The following LRP1B variants were observed in gnomAD, a reference collection of about 807,000 sequenced individuals.
The protein encoded by LRP1B is low-density lipoprotein receptor-related protein 1B.
A neutral mutation model predicts 556.6 loss-of-function variants in LRP1B; 217 were observed. The observed-to-expected ratio is 0.39, with a 90% confidence interval of 0.35 to 0.44. The LOEUF is 0.44. LRP1B is among the 20% of genes least tolerant of loss of function. LRP1B has a pLI of 1.00. For synonymous variants in LRP1B, 2,047 were observed against 1,865.8 expected (o/e 1.10, Z -2.50); for missense variants, 5,053 against 5,620.8 (o/e 0.90, Z 3.23).
At chr2:141,504,572 G>A (rs1285703085) in intron 2 of LRP1B, among the ~76,000 whole-genome samples, 1 of 152,030 alleles carries the variant, frequency 6.6e-6, no homozygotes. Flanking sequence ...ACTGTAACTT[G>A]TCTGCAGAAA....
chr2:141,396,661 A>G (rs1229272626), intron 3 of LRP1B, among the ~76,000 whole-genome samples: 4 of 152,182 alleles, frequency 2.6e-5, no homozygotes, highest in African/African-American at 7.2e-5. Context: ...TCATAAATAA[A>G]TGCTCTCAGC....
At chr2:140,462,952 G>T (rs572054041) in intron 60 of LRP1B, among the ~76,000 whole-genome samples, 110 of 152,244 alleles carry the variant, frequency 7.2e-4, no homozygotes, top group African/African-American at 2.2e-3. Flanking sequence ...GGAAGAATAA[G>T]AGCACAATGA....
intron 60 of LRP1B, among the ~76,000 whole-genome samples, chr2:140,471,045 C>T (rs912144376): frequency 3.9e-5 from 6 of 152,078 alleles, no homozygotes; most frequent in Non-Finnish European, 5.9e-5. Flanking sequence ...GAATCAAACC[C>T]AAATATATGG....
chr2:140,618,023 T>G lies in LRP1B; in HGVS notation c.6800-16384A>C, dbSNP rs187633093. Reference sequence around the variant, plus strand: ...AAGAAACATTTCTTGTTTATTTGAATTTTCATTCTGACATCATACACTAAT... The same window carrying G: ...AAGAAACATTTCTTGTTTATTTGAAGTTTCATTCTGACATCATACACTAAT... On this transcript the variant is annotated intron_variant, in intron 41 of 90. Transcript: ENST00000389484. Among the ~76,000 whole-genome samples, 118 of 152,148 alleles carry G rather than the reference T, an allele frequency of 7.8e-4. 1 individual carries two copies. Among genetic ancestry groups the G allele is most frequent in the African/African-American group, 2.7e-3 (113 of 41,568 alleles).
chr2:140,250,944 G>A (rs574947139), intron 86 of LRP1B, among the ~76,000 whole-genome samples: 5 of 151,402 alleles, frequency 3.3e-5, no homozygotes, highest in South Asian at 2.1e-4. Flanking sequence ...AATAAGCTAC[G>A]TAGAAGTTCC....
chr2:141,833,909 G>A (rs879737660), intron 1 of LRP1B, among the ~76,000 whole-genome samples: 3 of 148,778 alleles, frequency 2.0e-5, no homozygotes, highest in Non-Finnish European at 4.4e-5. Flanking sequence ...GGATGAAGAT[G>A]GATTTCCTAG....
chr2:140,454,336 A>G (rs1219549836), intron 62 of LRP1B, among the ~76,000 whole-genome samples: 2 of 151,948 alleles, frequency 1.3e-5, no homozygotes, highest in Non-Finnish European at 2.9e-5. Context: ...TTTTTAGTAG[A>G]GACGAGGTTT....
At chr2:141,185,698 A>AAAC (rs1553472477) in intron 7 of LRP1B, among the ~76,000 whole-genome samples, 1 of 120,314 alleles carries the variant, frequency 8.3e-6, no homozygotes, top group Admixed American at 8.6e-5. Context: ...AAAAAAAAAC[A>AAAC]AAAAAAAAAA....
At position 141,847,221 on chromosome 2, in the gene LRP1B, TAAC is replaced by T. The variant is rs377043787; in HGVS notation, c.83-36823_83-36821del. 3.8e-3 allele frequency among the ~76,000 whole-genome samples: 569 copies of T among 151,650 alleles called. 7 individuals carry two copies. The highest frequency in any genetic ancestry group is 0.013 in the African/African-American group (550 of 41,468). On this transcript the variant is annotated intron_variant, in intron 1 of 90. Coordinates refer to ENST00000389484, the MANE Select transcript of LRP1B (RefSeq NM_018557.3). Reference sequence around the variant, plus strand: ...ATAGAAAATAAGATTCCATTTACTATAACAACAAAATATATGTTATCTAGGAAT... The same window carrying T: ...ATAGAAAATAAGATTCCATTTACTATAACAAAATATATGTTATCTAGGAAT...
At chr2:140,426,888 A>G (rs1397178235) in intron 66 of LRP1B, among the ~76,000 whole-genome samples, 1 of 152,098 alleles carries the variant, frequency 6.6e-6, no homozygotes, top group Middle Eastern at 3.2e-3. Flanking sequence ...AGAAAGATCC[A>G]CCTACCACCT....
rs542414596 is a variant in LRP1B, at chr2:140,593,220, T to C, written c.7194+5411A>G. ...AATATATTCCTTAAACAATCTTGGATTCAGTTTTTAAAAGAATGTCAGTGG... is the reference window on the plus strand; with the variant it reads ...AATATATTCCTTAAACAATCTTGGACTCAGTTTTTAAAAGAATGTCAGTGG... On this transcript the variant is annotated intron_variant, in intron 43 of 90. Coordinates refer to ENST00000389484, the MANE Select transcript of LRP1B (RefSeq NM_018557.3). 1.7e-3 allele frequency among the ~76,000 whole-genome samples: 254 copies of C among 152,296 alleles called. 1 individual carries two copies. Among genetic ancestry groups the C allele is most frequent in the Non-Finnish European group, 2.8e-3 (193 of 68,018 alleles).
chr2:140,334,366 T>C, intron 79 of LRP1B, 87 bp downstream of exon 79: 3 of 818,604 alleles, frequency 3.7e-6, no homozygotes, highest in Non-Finnish European at 6.2e-6. Flanking sequence ...TAAAAATACT[T>C]ATATTGCCAA....
chr2:141,181,337 T>C (rs915591421), intron 7 of LRP1B, among the ~76,000 whole-genome samples: 5 of 151,954 alleles, frequency 3.3e-5, no homozygotes, highest in African/African-American at 9.7e-5. Context: ...CTCAATGATA[T>C]TGTTAATCTA....
intron 3 of LRP1B, among the ~76,000 whole-genome samples, chr2:141,275,590 G>T (rs1320317860): frequency 1.3e-5 from 2 of 152,130 alleles, no homozygotes; most frequent in Non-Finnish European, 2.9e-5. Flanking sequence ...CATGTCTGTA[G>T]TCTTGACTAC....
At chr2:140,289,455 T>C (rs1460147865) in intron 84 of LRP1B, among the ~76,000 whole-genome samples, 1 of 152,050 alleles carries the variant, frequency 6.6e-6, no homozygotes, top group Non-Finnish European at 1.5e-5. Context: ...ACATATCAGT[T>C]GAATGAGTTA....
chr2:141,789,913 G>T (rs1361963304), intron 2 of LRP1B, among the ~76,000 whole-genome samples: 1 of 151,904 alleles, frequency 6.6e-6, no homozygotes, highest in Non-Finnish European at 1.5e-5. Context: ...CCCTTTTATT[G>T]ATGACTTAAC....
chr2:140,808,852 C>T (rs873727), intron 32 of LRP1B, among the ~76,000 whole-genome samples: 7,701 of 152,178 alleles, frequency 0.051, 218 homozygotes, highest in African/African-American at 0.051. Flanking sequence ...TTTATTTACC[C>T]CAGGCAGAAT....
chr2:141,614,344 G>A (rs1360846648), intron 2 of LRP1B, among the ~76,000 whole-genome samples: 1 of 152,078 alleles, frequency 6.6e-6, no homozygotes, highest in Non-Finnish European at 1.5e-5. Flanking sequence ...AAAATATAGT[G>A]TGTATATACT....
At chr2:141,032,822 C>CATATATATATAT (rs1333410760) in intron 11 of LRP1B, among the ~76,000 whole-genome samples, 7 of 75,624 alleles carry the variant, frequency 9.3e-5, no homozygotes, top group Non-Finnish European at 1.9e-4. Context: ...TATATATATA[C>CATATATATATAT]ATACATATAT....
Sources: allele counts gnomAD v4.1 joint callset (sites outside exome capture counted in the v4.1 genomes callset), GRCh38; gene constraint gnomAD v4.1.1; transcripts MANE v1.5; gene names NCBI Gene and HGNC (gene_info 2026-07-23, HGNC 2026-07-21).